The following KIRREL3 variants were observed in gnomAD, a reference collection of about 807,000 sequenced individuals.
The protein encoded by KIRREL3 is kin of IRRE-like protein 3.
In KIRREL3, 36 loss-of-function variants were observed where a neutral mutation model predicts 89.7. The observed-to-expected ratio is 0.40, with a 90% CI of 0.31 to 0.53. The LOEUF is 0.53. Among genes scored for constraint, KIRREL3 ranks in the 20% least tolerant of loss-of-function variants. KIRREL3 has a pLI of 0.49. For synonymous variants in KIRREL3, 445 were observed against 441.4 expected (o/e 1.01, Z -0.10); for missense variants, 864 against 1,056.6 (o/e 0.82, Z 2.53).
chr11:126,874,104 C>T (rs888624288), intron 1 of KIRREL3, among the ~76,000 whole-genome samples: 2 of 152,210 alleles, frequency 1.3e-5, no homozygotes, highest in East Asian at 1.9e-4. Context: ...TAAATGAAAC[C>T]TTCTGGCCTG....
intron 1 of KIRREL3, among the ~76,000 whole-genome samples, chr11:126,974,556 G>A (rs1286996): frequency 8.8e-6 from 1 of 113,752 alleles, no homozygotes; most frequent in Non-Finnish European, 1.8e-5. Flanking sequence ...AGGCTACATG[G>A]TATAGCCCGT....
At chr11:126,631,065 A>G (rs1453056275) in intron 1 of KIRREL3, among the ~76,000 whole-genome samples, 4 of 152,212 alleles carry the variant, frequency 2.6e-5, no homozygotes, top group Non-Finnish European at 5.9e-5. Context: ...ACAGTGACAC[A>G]GTAGCTACTT....
chr11:126,521,122 G>C lies in KIRREL3; in HGVS notation c.433+193C>G, dbSNP rs993588488. Among the ~76,000 whole-genome samples, 1 of 152,258 alleles carries C rather than the reference G, an allele frequency of 6.6e-6. No individual in the cohort carries two copies. The highest frequency in any genetic ancestry group is 2.4e-5 in the African/African-American group (1 of 41,478). ...CTGGCATTGGCTGTCTGGTTTACTA[G>C]GGAAAGAGCCTTCGCTTGTCCCGTT... On this transcript the variant is annotated intron_variant, in intron 4 of 16. Coordinates refer to ENST00000525144, the MANE Select transcript of KIRREL3 (RefSeq NM_032531.4). The surrounding 1 kb of genome is among the most constrained non-coding windows in gnomAD (Gnocchi z 4.1).
chr11:126,818,603 TGTAGTA>T (rs144153893), intron 1 of KIRREL3, among the ~76,000 whole-genome samples: 47,561 of 147,400 alleles, frequency 0.32, 8,536 homozygotes, highest in African/African-American at 0.5. Flanking sequence ...GCAGAAATTG[TGTAGTA>T]GTAGTAGTAG....
At chr11:126,942,494 GA>G (rs1453008943) in intron 1 of KIRREL3, among the ~76,000 whole-genome samples, 1 of 152,174 alleles carries the variant, frequency 6.6e-6, no homozygotes, top group East Asian at 1.9e-4. Context: ...TCAGGGAACA[GA>G]AGCTGGCCCT....
rs1012765577 is a variant in KIRREL3, at chr11:126,484,764, C to G, written c.434-11298G>C. Among the ~76,000 whole-genome samples the G allele has an allele frequency of 1.3e-5, 2 of 151,986 alleles. No homozygotes were observed. Among genetic ancestry groups the G allele is most frequent in the Admixed American group, 6.6e-5 (1 of 15,264 alleles). Reference sequence around the variant, plus strand: ...TTTCCCCCTCTTCAGACCCTCCCCGCCTCCACTTAGGTCTATATTAAGAAG... The same window carrying G: ...TTTCCCCCTCTTCAGACCCTCCCCGGCTCCACTTAGGTCTATATTAAGAAG... On this transcript the variant is annotated intron_variant, in intron 4 of 16. Transcript: ENST00000525144. This position sits in a 1 kb window ranked among gnomAD's most constrained non-coding sequence, Gnocchi z 5.2.
At chr11:126,588,135 C>T (rs575944887) in intron 1 of KIRREL3, among the ~76,000 whole-genome samples, 3 of 152,238 alleles carry the variant, frequency 2.0e-5, no homozygotes, top group Admixed American at 6.5e-5. Flanking sequence ...TATTGTTCCC[C>T]GGCTCATGGA....
At chr11:126,885,701 G>A (rs557428979) in intron 1 of KIRREL3, among the ~76,000 whole-genome samples, 1 of 152,296 alleles carries the variant, frequency 6.6e-6, no homozygotes, top group Admixed American at 6.5e-5. Context: ...GAATAAGAGA[G>A]TATCACTTAG....
At chr11:126,874,861 T>A (rs1945221839) in intron 1 of KIRREL3, among the ~76,000 whole-genome samples, 1 of 152,088 alleles carries the variant, frequency 6.6e-6, no homozygotes, top group Non-Finnish European at 1.5e-5. Flanking sequence ...TCTGGCCTCC[T>A]CATTTTCTGA....
intron 8 of KIRREL3, 37 bp from the exon 9 acceptor site, chr11:126,446,923 G>C (rs1472554942): frequency 6.3e-7 from 1 of 1,593,922 alleles, no homozygotes; most frequent in Non-Finnish European, 8.5e-7. Flanking sequence ...GTTCAGGTGG[G>C]TGGGGAGCTC....
chr11:126,563,376 A>G lies in KIRREL3; in HGVS notation c.56-464T>C, dbSNP rs1199638820. On this transcript the variant is annotated intron_variant, in intron 1 of 16. Coordinates refer to ENST00000525144, the MANE Select transcript of KIRREL3 (RefSeq NM_032531.4). This position sits in a 1 kb window ranked among gnomAD's most constrained non-coding sequence, Gnocchi z 6.8. ...TATCCAGTCGTGTCTAGGATGGAAC[A>G]GTGCAACCAGACATGGTGGGTGACT... Among the ~76,000 whole-genome samples, 2 of 152,220 alleles carry G rather than the reference A, an allele frequency of 1.3e-5. No individual in the cohort carries two copies. The highest frequency in any genetic ancestry group is 1.3e-4 in the Admixed American group (2 of 15,282).
At chr11:126,868,860 G>C (rs1945009947) in intron 1 of KIRREL3, among the ~76,000 whole-genome samples, 1 of 152,106 alleles carries the variant, frequency 6.6e-6, no homozygotes, top group South Asian at 2.1e-4. Flanking sequence ...GGTGTCTGGG[G>C]AGGGCCTGGT....
intron 1 of KIRREL3, among the ~76,000 whole-genome samples, chr11:126,973,635 T>C (rs779968176): frequency 1.8e-4 from 28 of 152,224 alleles, no homozygotes; most frequent in Non-Finnish European, 3.2e-4. Flanking sequence ...AACTTCAGTT[T>C]TGTTATTTAC....
At chr11:126,922,637 T>C (rs1037504684) in intron 1 of KIRREL3, among the ~76,000 whole-genome samples, 1 of 151,890 alleles carries the variant, frequency 6.6e-6, no homozygotes, top group Non-Finnish European at 1.5e-5. Context: ...CTCCCCTTCT[T>C]CTCAGTAGGG....
Position 126,954,865 on chromosome 11 carries a change from C to T in KIRREL3, c.55+45590G>A, listed in dbSNP as rs555401802. On this transcript the variant is annotated intron_variant, in intron 1 of 16. Transcript: ENST00000525144. The surrounding 1 kb of genome is among the most constrained non-coding windows in gnomAD (Gnocchi z 4.1). The stretch of plus-strand genomic sequence containing the variant: ...CCTATCATCATACGGCAAGCAGCAG[C>T]TCTTAGGTAATGAAAGCAGAAAGAA... 2.2e-4 allele frequency among the ~76,000 whole-genome samples: 34 copies of T among 152,162 alleles called. No homozygotes were observed. Among genetic ancestry groups the T allele is most frequent in the Non-Finnish European group, 4.4e-4 (30 of 68,038 alleles).
intron 1 of KIRREL3, among the ~76,000 whole-genome samples, chr11:126,577,585 A>G (rs1479986289): frequency 5.7e-5 from 6 of 106,162 alleles, no homozygotes; most frequent in African/African-American, 2.3e-4. Flanking sequence ...TGTCTCTACT[A>G]AAAATACAAA....
chr11:126,785,103 T>C (rs1950446188), intron 1 of KIRREL3, among the ~76,000 whole-genome samples: 1 of 152,146 alleles, frequency 6.6e-6, no homozygotes, highest in Admixed American at 6.5e-5. Flanking sequence ...AATCTTATAC[T>C]AAACTCTACT....
rs1591815460 is a variant in KIRREL3 at position 126,611,416 on chromosome 11, C to T, written c.56-48504G>A. ...TCTTTCTGATTGATCCATCAGTCTG[C>T]ATTCTCCTTGCCGTCCTTGGTATGC... On this transcript the variant is annotated intron_variant, in intron 1 of 16. Coordinates refer to ENST00000525144, the MANE Select transcript of KIRREL3 (RefSeq NM_032531.4). The surrounding 1 kb of genome is among the most constrained non-coding windows in gnomAD (Gnocchi z 4.7). Among the ~76,000 whole-genome samples the T allele has an allele frequency of 6.6e-6, 1 of 152,212 alleles. No individual in the cohort carries two copies. Among genetic ancestry groups the T allele is most frequent in the East Asian group, 1.9e-4 (1 of 5,190 alleles).
chr11:126,531,986 C>G lies in KIRREL3; in HGVS notation c.134-5299G>C, dbSNP rs1958958306. Among the ~76,000 whole-genome samples the G allele has an allele frequency of 6.6e-6, 1 of 152,186 alleles. No individual in the cohort carries two copies. The highest frequency in any genetic ancestry group is 1.5e-5 in the Non-Finnish European group (1 of 68,042). On this transcript the variant is annotated intron_variant, in intron 2 of 16. Coordinates refer to ENST00000525144, the MANE Select transcript of KIRREL3 (RefSeq NM_032531.4). This position sits in a 1 kb window ranked among gnomAD's most constrained non-coding sequence, Gnocchi z 4.7. ...CCGGCAGATACTGTTCAGAGCACAC[C>G]ACACAGGAGAAAGGTGAGAAATCAC...
Sources: allele counts gnomAD v4.1 joint callset (sites outside exome capture counted in the v4.1 genomes callset), GRCh38; gene constraint gnomAD v4.1.1; non-coding constraint Gnocchi (gnomAD v3.1); transcripts MANE v1.5; gene names NCBI Gene and HGNC (gene_info 2026-07-23, HGNC 2026-07-21).